LIMCH1: variants seen among roughly 807,000 people sequenced by gnomAD.
LIMCH1 encodes the protein LIM and calponin homology domains-containing protein 1.
In LIMCH1, 113 loss-of-function variants were observed where a neutral mutation model predicts 176.5. That is an observed-to-expected ratio of 0.64 (90% CI 0.55 to 0.75). LIMCH1 has a LOEUF of 0.75. LIMCH1 is among the 30% of genes least tolerant of loss of function. The probability of loss-of-function intolerance (pLI) is 0.00; values close to 1 mark genes in which losing one functional copy is unlikely to be tolerated. For missense variants in LIMCH1, 1,674 were observed against 1,814.9 expected (o/e 0.92, Z 1.41); for synonymous variants, 619 against 645.9 (o/e 0.96, Z 0.63).
chr4:41,631,243 G>T lies in LIMCH1; in HGVS notation c.1367G>T (p.Arg456Met). 6.5e-7 allele frequency: 1 copy of T among 1,536,122 alleles called. No homozygotes were observed. The highest frequency in any genetic ancestry group is 8.7e-7 in the Non-Finnish European group (1 of 1,146,912). ...IRDDFANRKARASKKASSPRQ... is the reference protein window; with the variant it reads ...IRDDFANRKAMASKKASSPRQ... ...GATGACTTTGCCAACCGCAAAGCAA[G>T]GGCCTCTAAGAAAGCTTCCAGCCCC... Residue 456 changes from arginine to methionine, a missense_variant, in exon 10 of 32, where the codon AGG becomes ATG. By Grantham distance (91) the Arg-to-Met change is moderately conservative. Around this residue, in one of 3 missense-constraint regions of LIMCH1, gnomAD observed 655 missense variants for 692.2 expected, o/e 0.95. Coordinates refer to ENST00000503057, the MANE Select transcript of LIMCH1 (RefSeq NM_001330672.2).
In LIMCH1 at chr4:41,685,728, A is replaced by G. The variant is rs376936550; in HGVS notation, c.3986A>G (p.Gln1329Arg). The change falls in exon 28 of 32, where the codon CAG (glutamine) becomes CGG (arginine). Residue 1329 changes from glutamine (Q) to arginine (R), a missense_variant. By Grantham distance (43) the Gln-to-Arg change is conservative. This residue lies in a region of LIMCH1 where 1,015 missense variants were observed against 1,102.5 expected (regional missense o/e 0.92). Coordinates refer to ENST00000503057, the MANE Select transcript of LIMCH1 (RefSeq NM_001330672.2). The stretch of plus-strand genomic sequence containing the variant: ...GCCTCAGATCCATCCCAGAATCAGC[A>G]GACATCAAATCCAACGCACAGTTCA... ...QLAQDPSQNQ[Q>R]TSNPTHSSED... 168 of 1,613,546 alleles carry G rather than the reference A, an allele frequency of 1.0e-4. No homozygotes were observed. Among genetic ancestry groups the G allele is most frequent in the Admixed American group, 9.0e-4 (54 of 59,958 alleles).
Position 41,360,913 on chromosome 4 carries a change from TC to T in LIMCH1, c.75del (p.Glu26ArgfsTer9). 1 of 1,586,206 alleles carries T rather than the reference TC, an allele frequency of 6.3e-7. No homozygotes were observed. Among genetic ancestry groups the T allele is most frequent in the South Asian group, 1.2e-5 (1 of 86,574 alleles). On this transcript the variant is annotated frameshift_variant, in exon 1 of 27. Coordinates refer to the LIMCH1 transcript ENST00000313860. LOFTEE classifies it high-confidence loss of function. The surrounding 1 kb of genome is among the most constrained non-coding windows in gnomAD (Gnocchi z 4.5). ...CGAGCCGCCCCCCGAGCCCGCCTTCTCCGAGGCGCAGAAGTGGATTGAGGTA... is the reference window on the plus strand; with the variant it reads ...CGAGCCGCCCCCCGAGCCCGCCTTCTCGAGGCGCAGAAGTGGATTGAGGTA...
At chr4:41,521,003 T>A (rs551120572) in intron 2 of LIMCH1, among the ~76,000 whole-genome samples, 1 of 152,206 alleles carries the variant, frequency 6.6e-6, no homozygotes, top group Non-Finnish European at 1.5e-5. Context: ...TGGATGAGGT[T>A]GCAGATCATC....
At chr4:41,453,682 T>C (rs2064172576) in intron 1 of LIMCH1, 1 of 152,262 alleles carries the variant, frequency 6.6e-6, no homozygotes, top group East Asian at 1.9e-4. Context: ...AAGGGTCAAC[T>C]GCATGTATGT....
At position 41,697,308 on chromosome 4, in the gene LIMCH1, C is replaced by T; in HGVS notation, c.*123C>T. The T allele has an allele frequency of 2.5e-6, 2 of 813,646 alleles. No individual in the cohort carries two copies. The highest frequency in any genetic ancestry group is 1.6e-5 in the South Asian group (1 of 63,380). 50.4% of individuals were successfully genotyped at this position (813,646 alleles called of 1,614,324 possible). Reference sequence around the variant, plus strand: ...TTTACCTAATTTCTGAAAGGCTCTTCTGAAAGGTGGTATCTGTTCTTTCGT... The same window carrying T: ...TTTACCTAATTTCTGAAAGGCTCTTTTGAAAGGTGGTATCTGTTCTTTCGT... On this transcript the variant is annotated 3_prime_UTR_variant, in exon 32 of 32. Transcript: ENST00000503057.
intron 1 of LIMCH1, among the ~76,000 whole-genome samples, chr4:41,480,374 C>T (rs745390144): frequency 4.6e-5 from 7 of 152,076 alleles, no homozygotes; most frequent in East Asian, 1.9e-4. Flanking sequence ...TTTGGGAGGC[C>T]GAGGTGGATG....
chr4:41,466,222 G>T (rs2066095720), intron 1 of LIMCH1, among the ~76,000 whole-genome samples: 2 of 152,216 alleles, frequency 1.3e-5, no homozygotes, highest in African/African-American at 4.8e-5. Flanking sequence ...CTCCCAAAGT[G>T]CTGGGATTAC....
chr4:41,484,053 G>A lies in LIMCH1; in HGVS notation c.97-10483G>A, dbSNP rs148437719. 2.0e-5 allele frequency among the ~76,000 whole-genome samples: 3 copies of A among 152,298 alleles called. No homozygotes were observed. The East Asian group carries it at 5.8e-4, about 29-fold the overall frequency. ...TCAAACACCATAAAGTTGTTATGAGGTTTAAATAAATTAATGTGACAAGCA... is the reference window on the plus strand; with the variant it reads ...TCAAACACCATAAAGTTGTTATGAGATTTAAATAAATTAATGTGACAAGCA... On this transcript the variant is annotated intron_variant, in intron 1 of 26. Coordinates refer to the LIMCH1 transcript ENST00000313860.
intron 1 of LIMCH1, among the ~76,000 whole-genome samples, chr4:41,464,361 TC>T (rs1212663963): frequency 2.0e-5 from 3 of 149,558 alleles, no homozygotes; most frequent in African/African-American, 7.5e-5. Context: ...TTTTTCCTTT[TC>T]TTTTTTTCTT....
chr4:41,692,800 C>T (rs1727196412), intron 31 of LIMCH1: 1 of 164,502 alleles, frequency 6.1e-6, no homozygotes, highest in African/African-American at 2.4e-5. Flanking sequence ...TCATCAATGT[C>T]TCCACGCCCT....
intron 2 of LIMCH1, among the ~76,000 whole-genome samples, chr4:41,508,790 T>C (rs998182949): frequency 6.6e-6 from 1 of 152,166 alleles, no homozygotes; most frequent in Non-Finnish European, 1.5e-5. Flanking sequence ...CCAGTAGATA[T>C]CAGTTTGAGC....
At chr4:41,621,553 G>C (rs1554132514) in intron 7 of LIMCH1, among the ~76,000 whole-genome samples, 1 of 151,078 alleles carries the variant, frequency 6.6e-6, no homozygotes, top group African/African-American at 2.4e-5. Context: ...CCAAGCTGGG[G>C]TGCAGTGGTG....
At chr4:41,462,028 G>A (rs2065434391) in intron 1 of LIMCH1, among the ~76,000 whole-genome samples, 2 of 152,122 alleles carry the variant, frequency 1.3e-5, no homozygotes, top group South Asian at 4.2e-4. Flanking sequence ...TGCCAAAGGG[G>A]CTGCTGCTTG....
chr4:41,360,822 A>C lies in LIMCH1; in HGVS notation c.-19A>C. The C allele has an allele frequency of 6.6e-7, 1 of 1,522,992 alleles. No individual in the cohort carries two copies. Among genetic ancestry groups the C allele is most frequent in the Middle Eastern group, 2.2e-4 (1 of 4,582 alleles). 94.3% of individuals were successfully genotyped at this position (1,522,992 alleles called of 1,614,324 possible). ...GGCCGTCCTCATCCCGGCGCTTGAG[A>C]GGACGCGGGGCTGCGCAAATGGCTT... On this transcript the variant is annotated 5_prime_UTR_variant, in exon 1 of 27. Coordinates refer to the LIMCH1 transcript ENST00000313860. This position sits in a 1 kb window ranked among gnomAD's most constrained non-coding sequence, Gnocchi z 4.5.
chr4:41,498,223 G>T (rs1267144328), intron 2 of LIMCH1, among the ~76,000 whole-genome samples: 1 of 152,098 alleles, frequency 6.6e-6, no homozygotes, highest in Non-Finnish European at 1.5e-5. Context: ...AGTGGACCTG[G>T]ATTAAAGACT....
chr4:41,680,020 G>A lies in LIMCH1; in HGVS notation c.3534G>A (p.Lys1178=). Residue 1178 remains lysine (K), a synonymous_variant, in exon 24 of 32, where the codon AAG becomes AAA. Coordinates refer to ENST00000503057, the MANE Select transcript of LIMCH1 (RefSeq NM_001330672.2). ...QERLLQERYQ[K]EQDKLKEEWE... ...TTCCATAACAGGAGAGATACCAGAA[G>A]GAGCAGGACAAGCTGAAAGAAGAGT... 6.2e-7 allele frequency: 1 copy of A among 1,609,602 alleles called. No individual in the cohort carries two copies. The highest frequency in any genetic ancestry group is 1.1e-5 in the South Asian group (1 of 89,876).
At chr4:41,366,585 T>G (rs1171923369) in intron 1 of LIMCH1, among the ~76,000 whole-genome samples, 1 of 152,148 alleles carries the variant, frequency 6.6e-6, no homozygotes, top group Non-Finnish European at 1.5e-5. Context: ...GAAGGGATAA[T>G]AGAACTTTGG....
intron 17 of LIMCH1, 34 bp from the exon 18 acceptor site, chr4:41,650,359 A>G (rs2152942345): frequency 2.0e-6 from 3 of 1,486,922 alleles, no homozygotes; most frequent in Non-Finnish European, 1.9e-6. Context: ...TGGGGTATAT[A>G]TAGCATGTTT....
At chr4:41,490,350 G>A (rs955092767) in intron 1 of LIMCH1, among the ~76,000 whole-genome samples, 3 of 151,112 alleles carry the variant, frequency 2.0e-5, no homozygotes, top group East Asian at 1.9e-4. Flanking sequence ...AGGGTCATAG[G>A]ATAATAGTGG....
Sources: gnomAD v4.1 joint callset for allele counts (sites outside exome capture counted in the v4.1 genomes callset) on GRCh38, gnomAD v4.1.1 for gene constraint, gnomAD v4.1.1 regional missense constraint, Gnocchi (gnomAD v3.1) non-coding constraint, MANE v1.5 for transcripts, NCBI Gene and HGNC (gene_info 2026-07-23, HGNC 2026-07-21) for gene names.